The following SPAG17 variants were observed in gnomAD, a reference collection of about 807,000 sequenced individuals.
SPAG17 encodes the protein sperm associated antigen 17.
SPAG17 carries 169 observed loss-of-function variants against 273.6 expected under a neutral mutation model. The ratio of observed to expected loss-of-function variants is 0.62; its 90% CI spans 0.55 to 0.70. The LOEUF is 0.70. Among genes scored for constraint, SPAG17 ranks in the 30% least tolerant of loss-of-function variants. The probability of loss-of-function intolerance (pLI) is 0.00; values close to 1 mark genes in which losing one functional copy is unlikely to be tolerated. For missense variants in SPAG17, 2,557 were observed against 2,627.8 expected, an observed-to-expected ratio of 0.97 and a Z score of 0.59; for synonymous variants, 825 against 873.2, an observed-to-expected ratio of 0.94 and a Z score of 0.97.
chr1:118,139,592 G>A lies in SPAG17; in HGVS notation c.315+10951C>T, dbSNP rs531507225. Among the ~76,000 whole-genome samples the A allele has an allele frequency of 5.0e-4, 76 of 152,060 alleles. 1 individual carries two copies. Among genetic ancestry groups the A allele is most frequent in the Non-Finnish European group, 6.5e-4 (44 of 68,002 alleles). The stretch of plus-strand genomic sequence containing the variant: ...GTTCATCAACATATGGATAGATAAA[G>A]AAATATGGTATATACATTAAATGGA... On this transcript the variant is annotated intron_variant, in intron 3 of 48. Coordinates refer to ENST00000336338, the MANE Select transcript of SPAG17 (RefSeq NM_206996.4).
Position 117,996,439 on chromosome 1 carries a change from C to A in SPAG17, c.4984G>T (p.Glu1662Ter), listed in dbSNP as rs1341127535. The A allele has an allele frequency of 6.2e-7, 1 of 1,613,092 alleles. No homozygotes were observed. The highest frequency in any genetic ancestry group is 8.5e-7 in the Non-Finnish European group (1 of 1,179,398). ...MELLRDSDIEEYLSLAYKESN... is the reference protein window; with the variant it reads ...MELLRDSDIE ...TCTTTATATGCCAAAGATAGATATT[C>A]TTCTATGTCACTGTCTCGAAGAAGT... Residue 1662 changes from glutamate (E) to a stop codon, truncating the protein, a stop_gained, in exon 34 of 49, where the codon GAA (glutamate) becomes TAA (stop). Transcript: ENST00000336338. LOFTEE classifies it high-confidence loss of function.
chr1:118,084,703 A>T (rs1186613992), intron 13 of SPAG17, among the ~76,000 whole-genome samples: 1 of 152,156 alleles, frequency 6.6e-6, no homozygotes, highest in African/African-American at 2.4e-5. Context: ...GGGTGCTTAA[A>T]ATTGCAGATT....
intron 4 of SPAG17, among the ~76,000 whole-genome samples, chr1:118,114,837 G>A (rs1423042578): frequency 6.6e-6 from 1 of 152,166 alleles, no homozygotes; most frequent in East Asian, 1.9e-4. Context: ...AGGAGTAGAA[G>A]TGATGGATTG....
rs116793201 is a variant in SPAG17, at chr1:118,012,783, C to T, written c.4288-411G>A. Among the ~76,000 whole-genome samples the T allele has an allele frequency of 7.4e-3, 1,127 of 152,340 alleles. 18 individuals carry two copies. Among genetic ancestry groups the T allele is most frequent in the African/African-American group, 0.026 (1,082 of 41,574 alleles). On this transcript the variant is annotated intron_variant, in intron 29 of 48. Coordinates refer to ENST00000336338, the MANE Select transcript of SPAG17 (RefSeq NM_206996.4). ...GTGAAACCTCTGCTCTGCAGAACTT[C>T]CCCAGATGGGGTGAACTGCAAGATG...
Position 118,012,336 on chromosome 1 carries a change from C to A in SPAG17, c.4324G>T (p.Glu1442Ter). 1 of 1,613,650 alleles carries A rather than the reference C, an allele frequency of 6.2e-7. No individual in the cohort carries two copies. Among genetic ancestry groups the A allele is most frequent in the Non-Finnish European group, 8.5e-7 (1 of 1,179,744 alleles). The change falls in exon 30 of 49, where the codon GAA becomes TAA. Residue 1442 changes from glutamate to a stop codon, truncating the protein, a stop_gained. Transcript: ENST00000336338. LOFTEE classifies it high-confidence loss of function. ...ACTATCCGAGTACCATCTTTCCTTT[C>A]AACTATGACAACTTTGTCTTCTCGA... ...TTREDKVVIV[E>*]RKDGTRIVDH...
intron 1 of SPAG17, 91 bp downstream of exon 1, chr1:118,184,979 AG>A: frequency 9.5e-7 from 1 of 1,055,184 alleles, no homozygotes; most frequent in Non-Finnish European, 1.5e-6. Flanking sequence ...GATACGGAAG[AG>A]AGGGCGAGCC....
chr1:118,182,679 C>A (rs1477648161), intron 1 of SPAG17, among the ~76,000 whole-genome samples: 1 of 152,108 alleles, frequency 6.6e-6, no homozygotes, highest in African/African-American at 2.4e-5. Context: ...GTACATTTTT[C>A]TCCCAATCTA....
intron 8 of SPAG17, among the ~76,000 whole-genome samples, chr1:118,092,734 C>T (rs1655461863): frequency 6.6e-6 from 1 of 152,186 alleles, no homozygotes; most frequent in Non-Finnish European, 1.5e-5. Flanking sequence ...TGACTGCTCT[C>T]AGCATTCATC....
Position 118,046,168 on chromosome 1 carries a change from CT to C in SPAG17, c.2815-4127del, listed in dbSNP as rs200586579. ...CCTGGGCAACATAGTGAGACTCCAT[CT>C]CTACAAAAAGTTAAAAACTTAGCTG... On this transcript the variant is annotated intron_variant, in intron 20 of 48. Transcript: ENST00000336338. Among the ~76,000 whole-genome samples the C allele has an allele frequency of 1.9e-3, 282 of 152,034 alleles. 4 individuals carry two copies. In the East Asian group the frequency reaches 0.045, roughly 24 times the overall value.
intron 5 of SPAG17, among the ~76,000 whole-genome samples, chr1:118,100,948 A>C (rs1336656237): frequency 6.6e-6 from 1 of 152,064 alleles, no homozygotes; most frequent in East Asian, 1.9e-4. Context: ...TTTTATTACC[A>C]CTGTGTTTCA....
chr1:118,051,750 AT>A (rs1219478431), intron 20 of SPAG17, among the ~76,000 whole-genome samples: 3 of 145,148 alleles, frequency 2.1e-5, no homozygotes, highest in Non-Finnish European at 4.5e-5. Flanking sequence ...TATATATTAT[AT>A]ATAGTATAAT....
chr1:117,974,820 G>T (rs1413910040), intron 43 of SPAG17, among the ~76,000 whole-genome samples: 1 of 152,200 alleles, frequency 6.6e-6, no homozygotes, highest in African/African-American at 2.4e-5. Flanking sequence ...GAGAGGAAAA[G>T]GAAGGGGACT....
At chr1:118,047,061 C>T (rs925556510) in intron 20 of SPAG17, among the ~76,000 whole-genome samples, 3 of 152,172 alleles carry the variant, frequency 2.0e-5, no homozygotes, top group African/African-American at 7.2e-5. Context: ...AAGAAACACA[C>T]TAAAAATATA....
At chr1:117,990,690 G>A (rs1039504398) in intron 38 of SPAG17, among the ~76,000 whole-genome samples, 171 bp downstream of exon 38, 2 of 152,148 alleles carry the variant, frequency 1.3e-5, no homozygotes. Flanking sequence ...GAACAATACA[G>A]GCAGAATGAC....
intron 4 of SPAG17, among the ~76,000 whole-genome samples, chr1:118,112,491 C>T (rs966453553): frequency 6.6e-6 from 1 of 151,788 alleles, no homozygotes. Context: ...TATTTCTAAA[C>T]AAAACACTTT....
intron 34 of SPAG17, among the ~76,000 whole-genome samples, chr1:117,995,181 AC>A (rs1657520341): frequency 6.6e-6 from 1 of 151,970 alleles, no homozygotes; most frequent in Non-Finnish European, 1.5e-5. Flanking sequence ...ATTAACCATT[AC>A]CTACCCACTA....
At chr1:118,117,691 T>C (rs905892507) in intron 3 of SPAG17, among the ~76,000 whole-genome samples, 10 of 152,264 alleles carry the variant, frequency 6.6e-5, no homozygotes, top group Non-Finnish European at 1.0e-4. Flanking sequence ...GGTGTCCTCC[T>C]CCCGAACTGC....
chr1:117,974,381 T>C (rs1654909425), intron 43 of SPAG17, among the ~76,000 whole-genome samples: 1 of 152,194 alleles, frequency 6.6e-6, no homozygotes, highest in African/African-American at 2.4e-5. Flanking sequence ...TTTTTTTTAA[T>C]AAATGAGAAA....
chr1:117,994,409 A>T lies in SPAG17; in HGVS notation c.5175T>A (p.Val1725=), dbSNP rs372413458. ...RSRSWETFPS[V]EKKTPGPPFG... ...CTTTTTAGAAGAAATTATATACCTCAACTGAGGGAAATGTTTCCCATGACC... is the reference window on the plus strand; with the variant it reads ...CTTTTTAGAAGAAATTATATACCTCTACTGAGGGAAATGTTTCCCATGACC... Residue 1725 remains valine, a synonymous_variant, in exon 35 of 49, where the codon GTT becomes GTA. Transcript: ENST00000336338. 3.7e-6 allele frequency: 6 copies of T among 1,611,874 alleles called. No homozygotes were observed. Among genetic ancestry groups the T allele is most frequent in the Middle Eastern group, 1.7e-4 (1 of 6,040 alleles).
Sources: allele counts gnomAD v4.1 joint callset (sites outside exome capture counted in the v4.1 genomes callset), GRCh38; gene constraint gnomAD v4.1.1; transcripts MANE v1.5; gene names NCBI Gene and HGNC (gene_info 2026-07-23, HGNC 2026-07-21).